The following SCD5 variants were observed in gnomAD, a reference collection of about 807,000 sequenced individuals.
The protein encoded by SCD5 is stearoyl-CoA desaturase 5, also known as acyl-CoA-desaturase 4.
In SCD5, 20 loss-of-function variants were observed where a neutral mutation model predicts 30.4. The ratio of observed to expected loss-of-function variants is 0.66; its 90% confidence interval spans 0.46 to 0.96. SCD5 has a LOEUF of 0.96. Among genes scored for constraint, SCD5 ranks in the 40% least tolerant of loss-of-function variants. The pLI, the probability that SCD5 is intolerant of heterozygous loss-of-function variation, is 0.00. For synonymous variants in SCD5, 173 were observed against 176.4 expected, an observed-to-expected ratio of 0.98 and a Z score of 0.16; for missense variants, 381 against 443.3, an observed-to-expected ratio of 0.86 and a Z score of 1.26.
intron 3 of SCD5, among the ~76,000 whole-genome samples, chr4:82,672,770 A>T (rs758923831): frequency 4.6e-5 from 7 of 152,152 alleles, no homozygotes; most frequent in Non-Finnish European, 1.0e-4. Flanking sequence ...AATATTTTTC[A>T]TGAGCCAGAT....
In SCD5 at chr4:82,679,280, G is replaced by GAA. The variant is rs201019722; in HGVS notation, c.569+1425_569+1426dup. On this transcript the variant is annotated intron_variant, in intron 3 of 4. Transcript: ENST00000319540. ...AGAAAGAAGGAAGGAAAGAAAGAAA[G>GAA]AAGGAAGGAAAGAAAGAAAGAAAAC... Among the ~76,000 whole-genome samples, 19 of 113,424 alleles carry GAA rather than the reference G, an allele frequency of 1.7e-4. 2 individuals are homozygous for GAA. Among genetic ancestry groups the GAA allele is most frequent in the East Asian group, 4.3e-4 (1 of 2,316 alleles). The allele number at this position is 113,424 out of a possible 152,430, so 74.4% of individuals were successfully genotyped here. A position where few individuals can be genotyped will look rare whatever the true frequency, so the allele number is the denominator to read the frequency against.
At chr4:82,638,562 A>G (rs2148812181) in intron 3 of SCD5, among the ~76,000 whole-genome samples, 1 of 152,352 alleles carries the variant, frequency 6.6e-6, no homozygotes, top group South Asian at 2.1e-4. Flanking sequence ...AAGGGGTGCC[A>G]CATGGGATAT....
chr4:82,634,308 CTGTT>C (rs1311348701), intron 4 of SCD5, among the ~76,000 whole-genome samples: 6 of 152,262 alleles, frequency 3.9e-5, no homozygotes, highest in Middle Eastern at 6.8e-3. Flanking sequence ...CTATTTTTAA[CTGTT>C]TGAGAAACTG....
At chr4:82,751,869 C>T (rs1037674381) in intron 1 of SCD5, among the ~76,000 whole-genome samples, 1 of 152,192 alleles carries the variant, frequency 6.6e-6, no homozygotes, top group Non-Finnish European at 1.5e-5. Flanking sequence ...TTGTGATCTG[C>T]CAGTTTCCGC....
chr4:82,656,255 C>T (rs6830284), intron 3 of SCD5, among the ~76,000 whole-genome samples: 51,147 of 151,836 alleles, frequency 0.34, 9,370 homozygotes, highest in African/African-American at 0.49. Context: ...TTAGCATCCC[C>T]CCACAACCCC....
chr4:82,736,133 A>T lies in SCD5; in HGVS notation c.233-30720T>A, dbSNP rs550306124. On this transcript the variant is annotated intron_variant, in intron 1 of 4. Coordinates refer to ENST00000319540, the MANE Select transcript of SCD5 (RefSeq NM_001037582.3). ...AAACACCATCTCTACAAAAAGTATT[A>T]AAAAATTAGCAGGGTGTGGTGGCAT... Among the ~76,000 whole-genome samples, 58 of 152,096 alleles carry T rather than the reference A, an allele frequency of 3.8e-4. 1 individual carries two copies. The highest frequency in any genetic ancestry group is 1.6e-3 in the Admixed American group (24 of 15,270).
intron 1 of SCD5, among the ~76,000 whole-genome samples, chr4:82,787,874 A>T (rs1220338325): frequency 1.3e-5 from 2 of 152,124 alleles, no homozygotes; most frequent in Non-Finnish European, 2.9e-5. Flanking sequence ...CTACAAAAAT[A>T]ATAACGTAAA....
chr4:82,661,108 T>C, intron 3 of SCD5: 2 of 1,597,274 alleles, frequency 1.3e-6, no homozygotes, highest in Non-Finnish European at 1.7e-6. Context: ...TGACTGAGAG[T>C]TCCACCCAGG....
At chr4:82,730,397 A>C (rs1408749261) in intron 1 of SCD5, among the ~76,000 whole-genome samples, 1 of 148,590 alleles carries the variant, frequency 6.7e-6, no homozygotes, top group Non-Finnish European at 1.5e-5. Context: ...CCCGGGTTCA[A>C]GCAATTCTCC....
chr4:82,712,259 T>TACAC (rs1720111770), intron 1 of SCD5, among the ~76,000 whole-genome samples: 1 of 37,926 alleles, frequency 2.6e-5, no homozygotes, highest in Non-Finnish European at 4.3e-5. Flanking sequence ...TATATATATA[T>TACAC]ATATATATAT....
intron 3 of SCD5, among the ~76,000 whole-genome samples, chr4:82,679,079 G>A (rs1375848968): frequency 6.6e-6 from 1 of 150,992 alleles, no homozygotes. Flanking sequence ...CATGCCTGTA[G>A]TCCCAGCTAC....
chr4:82,762,525 G>A (rs992714559), intron 1 of SCD5, among the ~76,000 whole-genome samples: 1 of 152,192 alleles, frequency 6.6e-6, no homozygotes, highest in Non-Finnish European at 1.5e-5. Flanking sequence ...TTACAGGCGT[G>A]AGCCATTGCA....
chr4:82,641,664 T>G (rs1578001628), intron 3 of SCD5, among the ~76,000 whole-genome samples: 2 of 150,190 alleles, frequency 1.3e-5, no homozygotes, highest in African/African-American at 2.5e-5. Flanking sequence ...AGAGGGAGGG[T>G]TGTAGGAGAT....
chr4:82,700,747 A>G (rs974711440), intron 2 of SCD5, among the ~76,000 whole-genome samples: 1 of 134,634 alleles, frequency 7.4e-6, no homozygotes, highest in Non-Finnish European at 1.5e-5. Context: ...TGATTGCTCC[A>G]CTGCACTCCA....
At chr4:82,659,016 G>A (rs1049724422) in intron 3 of SCD5, among the ~76,000 whole-genome samples, 4 of 152,094 alleles carry the variant, frequency 2.6e-5, no homozygotes, top group African/African-American at 9.7e-5. Flanking sequence ...TTCAGAACTT[G>A]TTATTGGTCT....
intron 4 of SCD5, among the ~76,000 whole-genome samples, 165 bp from the exon 5 acceptor site, chr4:82,631,682 T>C (rs766528468): frequency 6.6e-6 from 1 of 152,234 alleles, no homozygotes; most frequent in Non-Finnish European, 1.5e-5. Flanking sequence ...CTTAGTTAGC[T>C]AGACAAACAA....
intron 1 of SCD5, among the ~76,000 whole-genome samples, chr4:82,743,787 T>G (rs931857860): frequency 1.3e-5 from 2 of 151,828 alleles, no homozygotes; most frequent in Non-Finnish European, 2.9e-5. Flanking sequence ...TCTCCCAAAG[T>G]GCTGAGATTA....
At chr4:82,724,515 A>C (rs189243853) in intron 1 of SCD5, among the ~76,000 whole-genome samples, 1 of 152,358 alleles carries the variant, frequency 6.6e-6, no homozygotes, top group East Asian at 1.9e-4. Context: ...CAAACTGATT[A>C]AACTTAAATA....
intron 1 of SCD5, among the ~76,000 whole-genome samples, chr4:82,747,909 T>G (rs866530081): frequency 2.6e-5 from 4 of 152,122 alleles, no homozygotes; most frequent in African/African-American, 9.7e-5. Context: ...ACCTATGGAA[T>G]CAGGAAGAGA....
Sources: gnomAD v4.1 joint callset for allele counts (sites outside exome capture counted in the v4.1 genomes callset) on GRCh38, gnomAD v4.1.1 for gene constraint, MANE v1.5 for transcripts, NCBI Gene and HGNC (gene_info 2026-07-23, HGNC 2026-07-21) for gene names.